UQCRH: variants seen among roughly 807,000 people sequenced by gnomAD.
UQCRH encodes cytochrome b-c1 complex subunit 6, mitochondrial.
In UQCRH, 14 loss-of-function variants were observed where a neutral mutation model predicts 16.3. That is an observed-to-expected ratio of 0.86 (90% confidence interval 0.57 to 1.34). The LOEUF (loss-of-function observed/expected upper bound fraction) is 1.34, where lower values mean the gene tolerates loss of function less well. Among genes scored for constraint, UQCRH ranks in the 40% most tolerant of loss-of-function variants. The probability of loss-of-function intolerance (pLI) is 0.00; values close to 1 mark genes in which losing one functional copy is unlikely to be tolerated. For synonymous variants in UQCRH, 41 were observed against 41.9 expected (o/e 0.98, Z 0.08); for missense variants, 89 against 111.9 (o/e 0.80, Z 0.92).
intron 2 of UQCRH, 135 bp from the exon 3 acceptor site, chr1:46,310,020 G>T: frequency 6.6e-7 from 1 of 1,518,642 alleles, no homozygotes; most frequent in Non-Finnish European, 8.8e-7. Context: ...CGGCAGTGTG[G>T]CTCTGCCAGC....
chr1:46,310,179 C>T lies in UQCRH; in HGVS notation c.106C>T (p.Gln36Ter). Residue 36 changes from glutamine (Q) to a stop codon, truncating the protein, a stop_gained, in exon 3 of 4, where the codon CAA (glutamine) becomes TAA (stop). Coordinates refer to ENST00000311672, the MANE Select transcript of UQCRH (RefSeq NM_006004.4). LOFTEE classifies it high-confidence loss of function. ...GGATCCCCTAACAACAGTGAGAGAG[C>T]AATGCGAGCAGTTGGAGAAATGTGT... is the stretch of plus-strand genomic sequence containing the variant. ...LVDPLTTVRE[Q>*]CEQLEKCVKA... 6.2e-7 allele frequency: 1 copy of T among 1,614,180 alleles called. No individual in the cohort carries two copies. The highest frequency in any genetic ancestry group is 8.5e-7 in the Non-Finnish European group (1 of 1,180,032).
In UQCRH at chr1:46,315,033, G is replaced by A. The variant is rs543376859; in HGVS notation, c.244-1519G>A. Among the ~76,000 whole-genome samples the A allele has an allele frequency of 1.6e-3, 251 of 152,272 alleles. 2 individuals are homozygous for A. The highest frequency in any genetic ancestry group is 5.8e-3 in the African/African-American group (240 of 41,560). ...AAAAATGATTAAAGTGGGGCCTTGT[G>A]CGGTGGTTCACACCTCCTACACTTT... On this transcript the variant is annotated intron_variant, in intron 3 of 3. Coordinates refer to ENST00000311672, the MANE Select transcript of UQCRH (RefSeq NM_006004.4).
chr1:46,311,406 G>C (rs1289014828), intron 3 of UQCRH, among the ~76,000 whole-genome samples: 1 of 149,862 alleles, frequency 6.7e-6, no homozygotes, highest in Non-Finnish European at 1.5e-5. Context: ...AGCGAAACCC[G>C]TCCCTACTAA....
At chr1:46,310,927 C>T (rs1160623271) in intron 3 of UQCRH, among the ~76,000 whole-genome samples, 5 of 151,822 alleles carry the variant, frequency 3.3e-5, no homozygotes, top group East Asian at 3.9e-4. Flanking sequence ...ATTAGCTGGG[C>T]GCGGTGGCGG....
Position 46,316,768 on chromosome 1 carries a change from A to G in UQCRH, c.*184A>G. On this transcript the variant is annotated 3_prime_UTR_variant, in exon 4 of 4. Coordinates refer to ENST00000311672, the MANE Select transcript of UQCRH (RefSeq NM_006004.4). ...ATTCCATCTAAATAAAAGTTCTATG[A>G]TCTGCAAACCTGCCCGTCTTTTTTT... 1 of 765,714 alleles carries G rather than the reference A, an allele frequency of 1.3e-6. No individual in the cohort carries two copies. The highest frequency in any genetic ancestry group is 2.8e-5 in the South Asian group (1 of 36,210). 47.4% of individuals were successfully genotyped at this position (765,714 alleles called of 1,614,324 possible). A position where few individuals can be genotyped will look rare whatever the true frequency, so the allele number is the denominator to read the frequency against.
At chr1:46,313,357 G>A (rs1317371948) in intron 3 of UQCRH, among the ~76,000 whole-genome samples, 9 of 152,124 alleles carry the variant, frequency 5.9e-5, no homozygotes, top group Admixed American at 3.9e-4. Flanking sequence ...AGCCGGGCGC[G>A]GTGGCTCACG....
In UQCRH at chr1:46,310,242, G is replaced by C; in HGVS notation, c.169G>C (p.Val57Leu). ...RERLELCDER[V>L]SSRSHTEEDC... ...GCGGCTAGAGCTCTGTGATGAGCGT[G>C]TATCCTCTCGATCACATACAGAAGA... The change falls in exon 3 of 4, where the codon GTA becomes CTA. Residue 57 changes from valine to leucine, a missense_variant. Coordinates refer to ENST00000311672, the MANE Select transcript of UQCRH (RefSeq NM_006004.4). The C allele has an allele frequency of 6.2e-7, 1 of 1,614,218 alleles. No individual in the cohort carries two copies. The highest frequency in any genetic ancestry group is 8.5e-7 in the Non-Finnish European group (1 of 1,180,042).
chr1:46,306,674 CA>C (rs1264035865), intron 1 of UQCRH, among the ~76,000 whole-genome samples: 1 of 152,094 alleles, frequency 6.6e-6, no homozygotes, highest in Non-Finnish European at 1.5e-5. Context: ...ACCCGGCTTT[CA>C]GTATGTTTTT....
intron 3 of UQCRH, among the ~76,000 whole-genome samples, chr1:46,311,087 A>AAAT (rs1164301987): frequency 1.5e-4 from 21 of 144,434 alleles, no homozygotes; most frequent in African/African-American, 1.5e-4. Flanking sequence ...AAAAAAAAAA[A>AAAT]AATAATAATA....
chr1:46,309,013 T>C (rs1661421944), intron 1 of UQCRH, 88 bp from the exon 2 acceptor site: 7 of 1,409,436 alleles, frequency 5.0e-6, no homozygotes, highest in Non-Finnish European at 7.0e-6. Context: ...ATAGTGTCAG[T>C]GTCTATCGTC....
At position 46,303,709 on chromosome 1, in the gene UQCRH, T is replaced by G. The variant is rs1170659783; in HGVS notation, c.-58T>G. On this transcript the variant is annotated 5_prime_UTR_variant, in exon 1 of 4. Transcript: ENST00000311672. ...GACCCTTACAAGTCCTTCTTGATCC[T>G]GAACTGGGTTAGGTGCCGCTGTTGC... is the stretch of plus-strand genomic sequence containing the variant. The G allele has an allele frequency of 1.2e-6, 2 of 1,613,066 alleles. No individual in the cohort carries two copies. The highest frequency in any genetic ancestry group is 1.3e-5 in the African/African-American group (1 of 74,934).
intron 3 of UQCRH, among the ~76,000 whole-genome samples, chr1:46,314,868 G>A (rs1661551421): frequency 6.6e-6 from 1 of 152,174 alleles, no homozygotes; most frequent in Non-Finnish European, 1.5e-5. Flanking sequence ...GAAAGGAAAT[G>A]GAGAGTTACT....
chr1:46,303,712 A>G lies in UQCRH; in HGVS notation c.-55A>G. Reference sequence around the variant, plus strand: ...CCTTACAAGTCCTTCTTGATCCTGAACTGGGTTAGGTGCCGCTGTTGCTGC... The same window carrying G: ...CCTTACAAGTCCTTCTTGATCCTGAGCTGGGTTAGGTGCCGCTGTTGCTGC... On this transcript the variant is annotated 5_prime_UTR_variant, in exon 1 of 4. Transcript: ENST00000311672. 1 of 1,613,306 alleles carries G rather than the reference A, an allele frequency of 6.2e-7. No homozygotes were observed. The highest frequency in any genetic ancestry group is 8.5e-7 in the Non-Finnish European group (1 of 1,179,608).
intron 3 of UQCRH, among the ~76,000 whole-genome samples, chr1:46,311,090 T>A (rs438663): frequency 0.18 from 25,524 of 145,044 alleles, 2,430 homozygotes; most frequent in African/African-American, 0.23. Flanking sequence ...AAAAAAAAAA[T>A]AATAATAATA....
At position 46,310,148 on chromosome 1, in the gene UQCRH, A is replaced by C. The variant is rs144503839; in HGVS notation, c.82-7A>C. On this transcript the variant is annotated splice_polypyrimidine_tract_variant and splice_region_variant and intron_variant, in intron 2 of 3. Transcript: ENST00000311672. ...CCCATTTTGTTTTTTTTCTGTTTCT[A>C]CATCAGGATCCCCTAACAACAGTGA... The C allele has an allele frequency of 5.4e-4, 877 of 1,614,128 alleles. 6 individuals are homozygous for C. In the East Asian group the frequency reaches 9.3e-3, roughly 17 times the overall value.
At chr1:46,316,446 G>A in intron 3 of UQCRH, 106 bp from the exon 4 acceptor site, 1 of 1,453,800 alleles carries the variant, frequency 6.9e-7, no homozygotes. Context: ...ATGTGAGAAG[G>A]GGAGTGGTGA....
At chr1:46,313,195 A>G (rs1661511843) in intron 3 of UQCRH, among the ~76,000 whole-genome samples, 1 of 152,218 alleles carries the variant, frequency 6.6e-6, no homozygotes, top group Non-Finnish European at 1.5e-5. Flanking sequence ...AAACAACATA[A>G]GTGTCCATCA....
chr1:46,313,502 G>A (rs374922358), intron 3 of UQCRH, among the ~76,000 whole-genome samples: 1 of 152,088 alleles, frequency 6.6e-6, no homozygotes, highest in Admixed American at 6.6e-5. Flanking sequence ...GGTGGCGGGC[G>A]CCTGTAGTCC....
intron 1 of UQCRH, among the ~76,000 whole-genome samples, chr1:46,305,099 C>T (rs1434744338): frequency 6.7e-6 from 1 of 150,310 alleles, no homozygotes; most frequent in Admixed American, 6.6e-5. Context: ...AGACAGGTAG[C>T]ATGAGTCCAG....
Sources: allele counts gnomAD v4.1 joint callset (sites outside exome capture counted in the v4.1 genomes callset), GRCh38; gene constraint gnomAD v4.1.1; transcripts MANE v1.5; gene names NCBI Gene and HGNC (gene_info 2026-07-23, HGNC 2026-07-21).